SLC4A8: variants seen among roughly 807,000 people sequenced by gnomAD.
SLC4A8 encodes electroneutral sodium bicarbonate exchanger 1.
Under a neutral mutation model 125.0 loss-of-function variants are expected in SLC4A8, and 40 were observed. That is an observed-to-expected ratio of 0.32 (90% CI 0.25 to 0.42). SLC4A8 has a LOEUF of 0.42. Among genes scored for constraint, SLC4A8 ranks in the 10% least tolerant of loss-of-function variants. SLC4A8 has a pLI of 1.00. For synonymous variants in SLC4A8, 456 were observed against 476.0 expected, an observed-to-expected ratio of 0.96 and a Z score of 0.55; for missense variants, 863 against 1,355.1, an observed-to-expected ratio of 0.64 and a Z score of 5.70.
intron 15 of SLC4A8, 23 bp downstream of exon 15, chr12:51,474,470 G>A (rs1045884273): frequency 1.2e-6 from 2 of 1,609,038 alleles, no homozygotes; most frequent in African/African-American, 1.3e-5. Context: ...GCTGCCAGAT[G>A]TCCTAGCATT....
chr12:51,486,630 G>C (rs1951170573), intron 17 of SLC4A8, among the ~76,000 whole-genome samples: 1 of 152,168 alleles, frequency 6.6e-6, no homozygotes, highest in Admixed American at 6.5e-5. Context: ...TAGGGTGAGG[G>C]GAGAGAAAAT....
At chr12:51,433,870 TTTTTTTTTG>T (rs1565772277) in intron 1 of SLC4A8, among the ~76,000 whole-genome samples, 7,759 of 45,082 alleles carry the variant, frequency 0.17, 837 homozygotes, top group African/African-American at 0.36. Flanking sequence ...TTTTTTTTTT[TTTTTTTTTG>T]GTTGGTTTTT....
At chr12:51,422,987 T>C (rs530934102), upstream of SLC4A8, among the ~76,000 whole-genome samples, 3 of 152,364 alleles carry the variant, frequency 2.0e-5, no homozygotes, top group African/African-American at 7.2e-5. Context: ...CTTGGAGATA[T>C]ATATTTTAGA....
chr12:51,459,601 G>A (rs966576771), intron 7 of SLC4A8, among the ~76,000 whole-genome samples: 2 of 152,180 alleles, frequency 1.3e-5, no homozygotes, highest in Non-Finnish European at 2.9e-5. Flanking sequence ...CAGGTGCAGT[G>A]GCTAACGCCT....
Position 51,507,423 on chromosome 12 carries a change from C to A in SLC4A8, c.3270-3C>A. 1.4e-6 allele frequency: 2 copies of A among 1,388,826 alleles called. No individual in the cohort carries two copies. The highest frequency in any genetic ancestry group is 1.9e-6 in the Non-Finnish European group (2 of 1,062,478). 86.0% of individuals were successfully genotyped at this position (1,388,826 alleles called of 1,614,324 possible). A position where few individuals can be genotyped will look rare whatever the true frequency, so the allele number is the denominator to read the frequency against. ...TTTGTCTAATTGTAACACTTTTATTCAGTCTCTTCAACTAAGAGTCTTTGC... is the reference window on the plus strand; with the variant it reads ...TTTGTCTAATTGTAACACTTTTATTAAGTCTCTTCAACTAAGAGTCTTTGC... On this transcript the variant is annotated splice_region_variant and splice_polypyrimidine_tract_variant and intron_variant, in intron 24 of 24. Coordinates refer to ENST00000453097, the MANE Select transcript of SLC4A8 (RefSeq NM_001039960.3).
intron 14 of SLC4A8, among the ~76,000 whole-genome samples, chr12:51,471,745 G>A (rs941972689): frequency 6.6e-5 from 10 of 152,224 alleles, no homozygotes; most frequent in Non-Finnish European, 1.5e-4. Context: ...AGTGAAACAC[G>A]AAGGGGACTC....
At chr12:51,441,859 C>T (rs1426580046) in intron 2 of SLC4A8, among the ~76,000 whole-genome samples, 1 of 152,094 alleles carries the variant, frequency 6.6e-6, no homozygotes, top group Admixed American at 6.6e-5. Flanking sequence ...ACGTGGGTGG[C>T]TCTGTGGAGG....
At chr12:51,453,835 G>T in intron 5 of SLC4A8, 136 bp downstream of exon 5, 3 of 654,274 alleles carry the variant, frequency 4.6e-6, no homozygotes, top group Admixed American at 2.8e-5. Flanking sequence ...TGGCCTCAAT[G>T]TCCTTGGCTG....
intron 1 of SLC4A8, among the ~76,000 whole-genome samples, chr12:51,433,851 G>GTTTTTTTTTTTTTTTTTTT (rs869249897): frequency 3.1e-5 from 2 of 65,296 alleles, no homozygotes; most frequent in Admixed American, 1.6e-4. Context: ...CACACCATCT[G>GTTTTTTTTTTTTTTTTTTT]TTTTTTTTTT....
At chr12:51,399,843 A>G (rs1474596216) in intron 1 of SLC4A8, among the ~76,000 whole-genome samples, 3 of 152,166 alleles carry the variant, frequency 2.0e-5, no homozygotes, top group African/African-American at 4.8e-5. Flanking sequence ...TTAGCTGGGC[A>G]TGGTGATGCG....
chr12:51,424,050 AAAACAAAAAAAAC>A (rs1948868086), upstream of SLC4A8, among the ~76,000 whole-genome samples: 1 of 69,794 alleles, frequency 1.4e-5, no homozygotes, highest in African/African-American at 5.8e-5. Flanking sequence ...AAAAAAAAAA[AAAACAAAAAAAAC>A]AACAAAAAAA....
chr12:51,483,552 A>G (rs4761972), intron 16 of SLC4A8, among the ~76,000 whole-genome samples: 89,598 of 150,880 alleles, frequency 0.59, 26,675 homozygotes, highest in South Asian at 0.64. Flanking sequence ...TTTATTCAGC[A>G]TACTTCCTGT....
At chr12:51,401,107 C>A (rs1200996135) in intron 1 of SLC4A8, among the ~76,000 whole-genome samples, 1 of 151,814 alleles carries the variant, frequency 6.6e-6, no homozygotes, top group Non-Finnish European at 1.5e-5. Flanking sequence ...ACAGTGCCAA[C>A]ATGTTTTTCT....
chr12:51,468,399 A>G (rs1234656433), intron 11 of SLC4A8, among the ~76,000 whole-genome samples: 1 of 152,226 alleles, frequency 6.6e-6, no homozygotes, highest in African/African-American at 2.4e-5. Context: ...ATGTTTGATT[A>G]TGTCACTCTT....
chr12:51,445,112 C>G (rs1403632750), intron 2 of SLC4A8, among the ~76,000 whole-genome samples: 1 of 152,166 alleles, frequency 6.6e-6, no homozygotes, highest in Admixed American at 6.5e-5. Context: ...TCTAGCTGTA[C>G]TAGATTTTAC....
intron 16 of SLC4A8, among the ~76,000 whole-genome samples, chr12:51,483,673 A>G (rs1951088505): frequency 6.6e-6 from 1 of 152,066 alleles, no homozygotes; most frequent in Non-Finnish European, 1.5e-5. Context: ...TTCAAGTGAT[A>G]TTTTGTTCTC....
intron 1 of SLC4A8, among the ~76,000 whole-genome samples, chr12:51,419,319 G>A (rs1474652270): frequency 6.6e-6 from 1 of 152,132 alleles, no homozygotes; most frequent in Non-Finnish European, 1.5e-5. Flanking sequence ...AGCTGTCCCA[G>A]GCCTATGGGC....
intron 23 of SLC4A8, among the ~76,000 whole-genome samples, chr12:51,505,263 A>T (rs2138454834): frequency 6.6e-6 from 1 of 152,190 alleles, no homozygotes; most frequent in East Asian, 1.9e-4. Context: ...TAGGAAACCA[A>T]GGGCTGGGTT....
chr12:51,460,069 T>C lies in SLC4A8; in HGVS notation c.974T>C (p.Val325Ala), dbSNP rs767032396. 33 of 1,613,874 alleles carry C rather than the reference T, an allele frequency of 2.0e-5. No individual in the cohort carries two copies. Among genetic ancestry groups the C allele is most frequent in the Non-Finnish European group, 2.8e-5 (33 of 1,179,848 alleles). ...IVAFVRLSPAVLLSGLTEVPI... is the reference protein window; with the variant it reads ...IVAFVRLSPAALLSGLTEVPI... Reference sequence around the variant, plus strand: ...GCCTTTGTGAGGCTGTCTCCAGCTGTTCTTCTCTCAGGCCTAACAGAAGTG... The same window carrying C: ...GCCTTTGTGAGGCTGTCTCCAGCTGCTCTTCTCTCAGGCCTAACAGAAGTG... The change falls in exon 8 of 25, where the codon GTT becomes GCT. Residue 325 changes from valine to alanine, a missense_variant. Val to Ala is a moderately conservative substitution (Grantham distance 64). Coordinates refer to ENST00000453097, the MANE Select transcript of SLC4A8 (RefSeq NM_001039960.3).
Sources: allele counts gnomAD v4.1 joint callset (sites outside exome capture counted in the v4.1 genomes callset), GRCh38; gene constraint gnomAD v4.1.1; transcripts MANE v1.5; gene names NCBI Gene and HGNC (gene_info 2026-07-23, HGNC 2026-07-21).